The following JAK1 variants were observed in gnomAD, a reference collection of about 807,000 sequenced individuals.
JAK1 encodes tyrosine-protein kinase JAK1.
In JAK1, 16 loss-of-function variants were observed where a neutral mutation model predicts 136.6. The ratio of observed to expected loss-of-function variants is 0.12; its 90% confidence interval spans 0.08 to 0.18. The LOEUF (loss-of-function observed/expected upper bound fraction) is 0.18, where lower values mean the gene tolerates loss of function less well. JAK1 is among the 10% of genes least tolerant of loss of function. The pLI is 1.00. For missense variants in JAK1, 859 were observed against 1,450.1 expected (o/e 0.59, Z 6.62); for synonymous variants, 492 against 519.5 (o/e 0.95, Z 0.72).
intron 5 of JAK1, among the ~76,000 whole-genome samples, chr1:64,872,710 G>A (rs1254675457): frequency 1.3e-5 from 2 of 152,024 alleles, no homozygotes; most frequent in East Asian, 1.9e-4. Flanking sequence ...TTAAAACAAC[G>A]AAGATCAATA....
intron 1 of JAK1, among the ~76,000 whole-genome samples, chr1:64,916,761 C>T (rs1183319401): frequency 1.3e-5 from 2 of 151,272 alleles, no homozygotes; most frequent in East Asian, 3.9e-4. Context: ...TCGCTTGAAC[C>T]GGGAGGCAGA....
rs1654251056 is a variant in JAK1 at position 64,833,403 on chromosome 1, T to G, written c.*1159A>C. On this transcript the variant is annotated 3_prime_UTR_variant, in exon 25 of 25. Coordinates refer to ENST00000342505, the MANE Select transcript of JAK1 (RefSeq NM_002227.4). Reference sequence around the variant, plus strand: ...GCTCAACAGGTGAAAAGTAACAATATCAAACGAATACTAAACAGCATAACA... The same window carrying G: ...GCTCAACAGGTGAAAAGTAACAATAGCAAACGAATACTAAACAGCATAACA... The G allele has an allele frequency of 4.3e-6, 1 of 232,826 alleles. No homozygotes were observed. The highest frequency in any genetic ancestry group is 2.2e-5 in the African/African-American group (1 of 45,274). The allele number at this position is 232,826 out of a possible 1,614,324, so 14.4% of individuals were successfully genotyped here. A position where few individuals can be genotyped will look rare whatever the true frequency, so the allele number is the denominator to read the frequency against.
Position 64,879,073 on chromosome 1 carries a change from G to A in JAK1, c.281C>T (p.Thr94Ile), listed in dbSNP as rs1272401704. Residue 94 changes from threonine (T) to isoleucine (I), a missense_variant, in exon 4 of 25, where the codon ACC (threonine) becomes ATC (isoleucine). By Grantham distance (89) the Thr-to-Ile change is moderately conservative. Around this residue, in one of 4 missense-constraint regions of JAK1, gnomAD observed 353 missense variants for 494.0 expected, o/e 0.71. Coordinates refer to ENST00000342505, the MANE Select transcript of JAK1 (RefSeq NM_002227.4). ...GGACATCTTGTCATCAACGGTGATG[G>A]TGCGATTTGGAGCATACCAGAGCTT... ...NTKLWYAPNR[T>I]ITVDDKMSLR... 14 of 1,613,902 alleles carry A rather than the reference G, an allele frequency of 8.7e-6. No homozygotes were observed. The highest frequency in any genetic ancestry group is 1.2e-5 in the Non-Finnish European group (14 of 1,179,970).
Position 64,838,021 on chromosome 1 carries a change from C to T in JAK1, c.3051G>A (p.Val1017=), listed in dbSNP as rs760300349. The change falls in exon 22 of 25, where the codon GTG becomes GTA. Residue 1017 remains valine (V), a synonymous_variant. Coordinates refer to ENST00000342505, the MANE Select transcript of JAK1 (RefSeq NM_002227.4). ...TGGTTAAACCGAAGTCTCCAATTTT[C>T]ACTTGGTGTTCACTCTCAACAAGGA... ...RNVLVESEHQ[V]KIGDFGLTKA... is the part of the protein sequence containing the mutation. The T allele has an allele frequency of 1.6e-5, 26 of 1,614,192 alleles. No homozygotes were observed. Among genetic ancestry groups the T allele is most frequent in the Non-Finnish European group, 2.2e-5 (26 of 1,180,034 alleles).
At chr1:64,839,960 C>T (rs1013468637) in intron 19 of JAK1, among the ~76,000 whole-genome samples, 165 bp from the exon 20 acceptor site, 10 of 152,224 alleles carry the variant, frequency 6.6e-5, no homozygotes, top group African/African-American at 1.9e-4. Flanking sequence ...CTCACTACAG[C>T]CCCCTCGCTC....
chr1:64,992,035 T>C (rs1472865908), intron 2 of JAK1: 1 of 152,194 alleles, frequency 6.6e-6, no homozygotes, highest in African/African-American at 2.4e-5. Flanking sequence ...ACAATCCCTA[T>C]AAAAATCCCA....
At chr1:64,905,546 T>A (rs764470547) in intron 1 of JAK1, among the ~76,000 whole-genome samples, 1 of 152,182 alleles carries the variant, frequency 6.6e-6, no homozygotes, top group Non-Finnish European at 1.5e-5. Context: ...TATTGTACAG[T>A]AGGCCCCCTG....
chr1:64,835,308 C>T, intron 24 of JAK1, 88 bp downstream of exon 24: 1 of 647,220 alleles, frequency 1.5e-6, no homozygotes, highest in Non-Finnish European at 2.7e-6. Flanking sequence ...CATTTCCTCG[C>T]TCTCCCCTCT....
At chr1:65,050,979 C>T (rs750604837) in intron 1 of JAK1, among the ~76,000 whole-genome samples, 5 of 152,026 alleles carry the variant, frequency 3.3e-5, no homozygotes, top group East Asian at 1.9e-4. Flanking sequence ...GGTACACAGG[C>T]GCTCAACAAA....
chr1:64,879,230 A>G, intron 3 of JAK1, 82 bp from the exon 4 acceptor site: 1 of 1,504,080 alleles, frequency 6.6e-7, no homozygotes. Flanking sequence ...ATATGCAAAG[A>G]TAAGGAACTC....
At chr1:65,061,785 A>G (rs1261751637) in intron 1 of JAK1, among the ~76,000 whole-genome samples, 1 of 152,236 alleles carries the variant, frequency 6.6e-6, no homozygotes, top group Non-Finnish European at 1.5e-5. Flanking sequence ...ACTTTGCTAT[A>G]CTGAGTTTTT....
intron 12 of JAK1, among the ~76,000 whole-genome samples, chr1:64,850,119 C>T (rs760325226): frequency 3.3e-5 from 5 of 152,296 alleles, no homozygotes; most frequent in Non-Finnish European, 7.4e-5. Context: ...TGCTTCTCTC[C>T]AAGGCTGCCG....
intron 22 of JAK1, among the ~76,000 whole-genome samples, chr1:64,836,977 C>T (rs544084956): frequency 2.0e-5 from 3 of 152,306 alleles, no homozygotes; most frequent in African/African-American, 7.2e-5. Context: ...CCTCCTATTC[C>T]ATGATCTGAC....
chr1:64,983,450 A>C (rs1298097061), intron 2 of JAK1, among the ~76,000 whole-genome samples: 2 of 152,226 alleles, frequency 1.3e-5, no homozygotes, highest in Non-Finnish European at 2.9e-5. Flanking sequence ...ATTCCAAGTC[A>C]GCTATAAACA....
chr1:64,985,027 C>T (rs537890751), intron 2 of JAK1: 3 of 857,192 alleles, frequency 3.5e-6, no homozygotes, highest in Non-Finnish European at 6.1e-6. Flanking sequence ...TTACACTCAT[C>T]CTTCAATAAC....
At chr1:65,053,153 C>A (rs973072301) in intron 1 of JAK1, among the ~76,000 whole-genome samples, 12 of 151,246 alleles carry the variant, frequency 7.9e-5, no homozygotes, top group African/African-American at 2.9e-4. Flanking sequence ...TGAGACCAGT[C>A]TGGTCAACAT....
intron 2 of JAK1, among the ~76,000 whole-genome samples, chr1:64,884,277 A>T (rs140118239): frequency 1.3e-5 from 2 of 152,326 alleles, no homozygotes; most frequent in East Asian, 3.9e-4. Flanking sequence ...GCCTTGGGCA[A>T]GGCCAGAAAG....
intron 2 of JAK1, among the ~76,000 whole-genome samples, chr1:65,019,767 T>C (rs1157454793): frequency 6.6e-6 from 1 of 151,826 alleles, no homozygotes; most frequent in African/African-American, 2.4e-5. Flanking sequence ...AATTCAAAAA[T>C]TAGCAAGGTG....
In JAK1 at chr1:64,867,131, T is replaced by C. The variant is rs748091769; in HGVS notation, c.725A>G (p.Asn242Ser). The C allele has an allele frequency of 5.0e-6, 8 of 1,613,144 alleles. No homozygotes were observed. The highest frequency in any genetic ancestry group is 1.3e-5 in the African/African-American group (1 of 74,952). ...TTCCTTTAGGAAATCCTTGAAAACA[T>C]TATTTATCCGCATCCTGGTGAGAAG... ...RNLLTRMRINNVFKDFLKEFN... is the reference protein window; with the variant it reads ...RNLLTRMRINSVFKDFLKEFN... Residue 242 changes from asparagine (N) to serine (S), a missense_variant, in exon 7 of 25, where the codon AAT (asparagine) becomes AGT (serine). Physicochemically the swap from Asn to Ser is conservative, Grantham distance 46 (BLOSUM62 1). Coordinates refer to ENST00000342505, the MANE Select transcript of JAK1 (RefSeq NM_002227.4).
Sources: allele counts gnomAD v4.1 joint callset (sites outside exome capture counted in the v4.1 genomes callset), GRCh38; gene constraint gnomAD v4.1.1; regional missense constraint gnomAD v4.1.1; transcripts MANE v1.5; gene names NCBI Gene and HGNC (gene_info 2026-07-23, HGNC 2026-07-21).